Variants in ESRP1 observed in about 807,000 individuals in gnomAD.
The protein encoded by ESRP1 is RNA-binding motif protein 35A.
In ESRP1, 33 loss-of-function variants were observed where a neutral mutation model predicts 81.7. That is an observed-to-expected ratio of 0.40 (90% CI 0.31 to 0.54). The LOEUF (loss-of-function observed/expected upper bound fraction) is 0.54, where lower values mean the gene tolerates loss of function less well. ESRP1 is among the 20% of genes least tolerant of loss of function. ESRP1 has a pLI of 0.41. For synonymous variants in ESRP1, 320 were observed against 303.3 expected, an observed-to-expected ratio of 1.06 and a Z score of -0.57; for missense variants, 672 against 833.1, an observed-to-expected ratio of 0.81 and a Z score of 2.38.
intron 11 of ESRP1, among the ~76,000 whole-genome samples, chr8:94,673,942 A>G (rs1179691001): frequency 6.6e-6 from 1 of 152,192 alleles, no homozygotes; most frequent in Non-Finnish European, 1.5e-5. Flanking sequence ...GCTTTTCTCA[A>G]TTGAATGAGA....
At chr8:94,689,234 G>A (rs1385900697) in intron 13 of ESRP1, among the ~76,000 whole-genome samples, 2 of 126,332 alleles carry the variant, frequency 1.6e-5, no homozygotes, top group Admixed American at 9.7e-5. Flanking sequence ...CTGGGTGATA[G>A]CGAGACTCAG....
chr8:94,641,831 G>A lies in ESRP1; in HGVS notation c.133-125G>A, dbSNP rs1402200030. 3 of 1,450,396 alleles carry A rather than the reference G, an allele frequency of 2.1e-6. No individual in the cohort carries two copies. In the African/African-American group the frequency reaches 4.2e-5, roughly 21 times the overall value. The allele number at this position is 1,450,396 out of a possible 1,614,324, so 89.8% of individuals were successfully genotyped here. ...CACCGGAACCGATGGCGAGTCGAGA[G>A]CTTTGATTCTGCGTCCGGACCCCAA... On this transcript the variant is annotated intron_variant, in intron 1 of 15. Coordinates refer to ENST00000433389, the MANE Select transcript of ESRP1 (RefSeq NM_017697.4).
chr8:94,678,259 G>A lies in ESRP1; in HGVS notation c.1708G>A (p.Ala570Thr). ...PAPAAVIPTE[A>T]AIYQPSVILN... Reference sequence around the variant, plus strand: ...TCCTGCTGCAGTTATTCCTACAGAAGCTGCCATTTACCAGCCCTCTGTGAT... The same window carrying A: ...TCCTGCTGCAGTTATTCCTACAGAAACTGCCATTTACCAGCCCTCTGTGAT... The change falls in exon 13 of 16, where the codon GCT becomes ACT. Residue 570 changes from alanine to threonine, a missense_variant. Physicochemically the swap from Ala to Thr is moderately conservative, Grantham distance 58. Coordinates refer to ENST00000433389, the MANE Select transcript of ESRP1 (RefSeq NM_017697.4). 1 of 1,613,964 alleles carries A rather than the reference G, an allele frequency of 6.2e-7. No individual in the cohort carries two copies. Among genetic ancestry groups the A allele is most frequent in the African/African-American group, 1.3e-5 (1 of 75,020 alleles).
chr8:94,702,479 CTT>C (rs1809878567), intron 15 of ESRP1, among the ~76,000 whole-genome samples: 1 of 152,058 alleles, frequency 6.6e-6, no homozygotes, highest in South Asian at 2.1e-4. Context: ...CATTTTGTAA[CTT>C]TATGTTGCAA....
intron 15 of ESRP1, among the ~76,000 whole-genome samples, chr8:94,700,397 TG>T (rs1256589960): frequency 2.0e-5 from 3 of 151,980 alleles, no homozygotes; most frequent in Non-Finnish European, 4.4e-5. Flanking sequence ...GAGGCAGCAA[TG>T]TGACGAGGGA....
chr8:94,671,386 T>G, intron 10 of ESRP1, 67 bp from the exon 11 acceptor site: 1 of 1,377,280 alleles, frequency 7.3e-7, no homozygotes, highest in East Asian at 2.4e-5. Context: ...AGTGATGCCA[T>G]TGCTGATCTG....
At chr8:94,685,609 C>T (rs1177505399) in intron 13 of ESRP1, among the ~76,000 whole-genome samples, 2 of 152,038 alleles carry the variant, frequency 1.3e-5, no homozygotes, top group African/African-American at 4.8e-5. Flanking sequence ...CAAGACCATC[C>T]TGGCCAACGT....
At chr8:94,701,250 G>A (rs2130739871) in intron 15 of ESRP1, among the ~76,000 whole-genome samples, 1 of 150,744 alleles carries the variant, frequency 6.6e-6, no homozygotes. Context: ...ACTCCAGCCT[G>A]GGCGACAGAG....
At chr8:94,685,039 A>G (rs978051261) in intron 13 of ESRP1, among the ~76,000 whole-genome samples, 3 of 151,412 alleles carry the variant, frequency 2.0e-5, no homozygotes, top group Non-Finnish European at 2.9e-5. Flanking sequence ...AAAAAAAGCC[A>G]TATATATCTA....
intron 13 of ESRP1, 117 bp from the exon 14 acceptor site, chr8:94,692,560 A>T: frequency 9.3e-7 from 1 of 1,072,524 alleles, no homozygotes; most frequent in Non-Finnish European, 1.3e-6. Flanking sequence ...GACAGCTCTG[A>T]GAAGTATAAG....
At chr8:94,660,536 C>T (rs1302143921) in intron 4 of ESRP1, among the ~76,000 whole-genome samples, 1 of 151,784 alleles carries the variant, frequency 6.6e-6, no homozygotes, top group East Asian at 1.9e-4. Context: ...GTCAGGAGTT[C>T]GAGACCAGCC....
In ESRP1 at chr8:94,706,366, A is replaced by C. The variant is rs1189822936; in HGVS notation, c.*477A>C. 6.3e-6 allele frequency: 1 copy of C among 157,578 alleles called. No individual in the cohort carries two copies. Among genetic ancestry groups the C allele is most frequent in the East Asian group, 1.8e-4 (1 of 5,438 alleles). The allele number at this position is 157,578 out of a possible 1,614,324, so 9.8% of individuals were successfully genotyped here. On this transcript the variant is annotated 3_prime_UTR_variant, in exon 16 of 16. Coordinates refer to ENST00000433389, the MANE Select transcript of ESRP1 (RefSeq NM_017697.4). ...TTCTGCATAATCATGCCTTCTTGCT[A>C]AGTAATTCAAGCATAAGATCTTGGA...
At chr8:94,704,175 CTTTTT>C (rs34541416) in intron 15 of ESRP1, among the ~76,000 whole-genome samples, 2 of 129,006 alleles carry the variant, frequency 1.6e-5, no homozygotes, top group East Asian at 2.3e-4. Context: ...GCTTCTGAGA[CTTTTT>C]TTTTTTTTTT....
chr8:94,660,709 C>CAAAAAAAAAAAA (rs60316449), intron 4 of ESRP1, among the ~76,000 whole-genome samples: 3 of 43,542 alleles, frequency 6.9e-5, no homozygotes, highest in Non-Finnish European at 7.5e-5. Context: ...GAGACTATCT[C>CAAAAAAAAAAAA]AAAAAAAAAA....
chr8:94,688,165 A>G, intron 13 of ESRP1: 1 of 153,296 alleles, frequency 6.5e-6, no homozygotes, highest in East Asian at 1.9e-4. Flanking sequence ...CCTCTTTCCC[A>G]TCAAATTGCA....
At chr8:94,701,867 C>T (rs1809853436) in intron 15 of ESRP1, among the ~76,000 whole-genome samples, 1 of 152,128 alleles carries the variant, frequency 6.6e-6, no homozygotes, top group Non-Finnish European at 1.5e-5. Context: ...TTGCTTGAGC[C>T]TGGAAGTTCA....
chr8:94,659,806 G>A (rs886115757), intron 4 of ESRP1, among the ~76,000 whole-genome samples: 2 of 152,228 alleles, frequency 1.3e-5, no homozygotes, highest in African/African-American at 2.4e-5. Context: ...AGAGGAAAGT[G>A]TAATTTGAAT....
chr8:94,643,348 T>C lies in ESRP1; in HGVS notation c.307T>C (p.Ser103Pro). 1.2e-6 allele frequency: 2 copies of C among 1,613,926 alleles called. No individual in the cohort carries two copies. The highest frequency in any genetic ancestry group is 1.7e-6 in the Non-Finnish European group (2 of 1,179,792). ...TGAACTGAATATTGGAGTAGGGACT[T>C]CCTTCTGTCTCTGTACTGATGGGCA... Reference protein sequence around the residue: ...SNELNIGVGTSFCLCTDGQLH... With the variant: ...SNELNIGVGTPFCLCTDGQLH... Residue 103 changes from serine to proline, a missense_variant, in exon 3 of 16, where the codon TCC becomes CCC. Transcript: ENST00000433389.
At chr8:94,666,380 T>G (rs1819016896) in intron 9 of ESRP1, among the ~76,000 whole-genome samples, 1 of 152,222 alleles carries the variant, frequency 6.6e-6, no homozygotes, top group Non-Finnish European at 1.5e-5. Context: ...ATATCCCTGT[T>G]GAGCATTTAG....
Sources: gnomAD v4.1 joint callset for allele counts (sites outside exome capture counted in the v4.1 genomes callset) on GRCh38, gnomAD v4.1.1 for gene constraint, MANE v1.5 for transcripts, NCBI Gene and HGNC (gene_info 2026-07-23, HGNC 2026-07-21) for gene names.